CLSTN2: variants seen among roughly 807,000 people sequenced by gnomAD.
CLSTN2 encodes the protein calsyntenin 2.
In CLSTN2, 48 loss-of-function variants were observed where a neutral mutation model predicts 101.2. The observed-to-expected ratio is 0.47, with a 90% CI of 0.38 to 0.60. The LOEUF (loss-of-function observed/expected upper bound fraction) is 0.60, where lower values mean the gene tolerates loss of function less well. Among genes scored for constraint, CLSTN2 ranks in the 20% least tolerant of loss-of-function variants. The pLI, the probability that CLSTN2 is intolerant of heterozygous loss-of-function variation, is 0.00. For synonymous variants in CLSTN2, 481 were observed against 463.6 expected, an observed-to-expected ratio of 1.04 and a Z score of -0.48; for missense variants, 1,160 against 1,238.2, an observed-to-expected ratio of 0.94 and a Z score of 0.95.
At chr3:140,001,084 G>A (rs1007433800) in intron 1 of CLSTN2, among the ~76,000 whole-genome samples, 1 of 152,090 alleles carries the variant, frequency 6.6e-6, no homozygotes, top group East Asian at 1.9e-4. Flanking sequence ...TTGTACATGC[G>A]GAAATTGAAG....
intron 9 of CLSTN2, among the ~76,000 whole-genome samples, chr3:140,538,976 A>G (rs1297865060): frequency 1.3e-5 from 2 of 152,232 alleles, no homozygotes; most frequent in Non-Finnish European, 2.9e-5. Context: ...CAGGTTCCTC[A>G]ATCTTATGCA....
chr3:140,039,570 A>G (rs2007721913), intron 1 of CLSTN2, among the ~76,000 whole-genome samples: 1 of 152,188 alleles, frequency 6.6e-6, no homozygotes, highest in African/African-American at 2.4e-5. Context: ...TTCCATAACC[A>G]TGCATGACAT....
At chr3:140,468,012 G>T (rs1459034979) in intron 8 of CLSTN2, among the ~76,000 whole-genome samples, 2 of 152,230 alleles carry the variant, frequency 1.3e-5, no homozygotes, top group Non-Finnish European at 2.9e-5. Flanking sequence ...TGGAAAAGTT[G>T]CTAGGGGAGC....
intron 2 of CLSTN2, among the ~76,000 whole-genome samples, chr3:140,313,620 C>G (rs1203202517): frequency 2.6e-5 from 4 of 152,146 alleles, no homozygotes; most frequent in African/African-American, 9.7e-5. Flanking sequence ...CATAATGATT[C>G]CAAGAGTGAA....
At chr3:140,047,285 A>G (rs535517313) in intron 1 of CLSTN2, among the ~76,000 whole-genome samples, 14 of 152,274 alleles carry the variant, frequency 9.2e-5, no homozygotes, top group African/African-American at 2.2e-4. Context: ...ATATAGTAAT[A>G]AGAAATCCTA....
chr3:140,053,988 G>A lies in CLSTN2; in HGVS notation c.109+118505G>A, dbSNP rs571635857. Among the ~76,000 whole-genome samples the A allele has an allele frequency of 2.6e-5, 4 of 152,208 alleles. No individual in the cohort carries two copies. The South Asian group carries it at 8.3e-4, about 32-fold the overall frequency. On this transcript the variant is annotated intron_variant, in intron 1 of 16. Transcript: ENST00000458420. Reference sequence around the variant, plus strand: ...GTTAGACTCGGGCCCAATACAAGAGGGTCATCACAGCTGGTCCTCGGGCAG... The same window carrying A: ...GTTAGACTCGGGCCCAATACAAGAGAGTCATCACAGCTGGTCCTCGGGCAG...
chr3:140,337,398 T>A (rs1243772281), intron 2 of CLSTN2, among the ~76,000 whole-genome samples: 2 of 152,212 alleles, frequency 1.3e-5, no homozygotes, highest in East Asian at 3.8e-4. Flanking sequence ...GTCTTCCTTC[T>A]TTACATTCTG....
At position 139,976,858 on chromosome 3, in the gene CLSTN2, G is replaced by A. The variant is rs557583089; in HGVS notation, c.109+41375G>A. Reference sequence around the variant, plus strand: ...TGTGCATGCATGTGCACACATGTGTGTTGGCAAGAGACCTACAACCGTCCC... The same window carrying A: ...TGTGCATGCATGTGCACACATGTGTATTGGCAAGAGACCTACAACCGTCCC... On this transcript the variant is annotated intron_variant, in intron 1 of 16. Transcript: ENST00000458420. Among the ~76,000 whole-genome samples the A allele has an allele frequency of 3.9e-5, 6 of 152,264 alleles. No homozygotes were observed. The South Asian group carries it at 1.2e-3, about 32-fold the overall frequency.
intron 11 of CLSTN2, among the ~76,000 whole-genome samples, chr3:140,557,571 T>C (rs574617003): frequency 1.2e-4 from 18 of 152,066 alleles, no homozygotes; most frequent in African/African-American, 4.1e-4. Context: ...TGCTGTGGGG[T>C]TGGCCTGGCA....
At chr3:140,028,003 A>G (rs538122722) in intron 1 of CLSTN2, among the ~76,000 whole-genome samples, 114 of 152,240 alleles carry the variant, frequency 7.5e-4, no homozygotes, top group African/African-American at 2.5e-3. Flanking sequence ...TCACCCTCCC[A>G]TGCATGCTGT....
At chr3:140,182,741 G>T (rs2010429095) in intron 2 of CLSTN2, among the ~76,000 whole-genome samples, 1 of 152,156 alleles carries the variant, frequency 6.6e-6, no homozygotes, top group Admixed American at 6.5e-5. Context: ...TCACCTACAA[G>T]AGTCTATTGT....
intron 1 of CLSTN2, among the ~76,000 whole-genome samples, chr3:140,028,263 G>C (rs1021678678): frequency 5.9e-5 from 9 of 152,190 alleles, no homozygotes; most frequent in African/African-American, 2.2e-4. Flanking sequence ...TTCCCAGCAA[G>C]TGGCAGGCAT....
At chr3:140,251,562 A>G (rs1025984878) in intron 2 of CLSTN2, among the ~76,000 whole-genome samples, 3 of 120,242 alleles carry the variant, frequency 2.5e-5, no homozygotes, top group African/African-American at 9.8e-5. Context: ...AAGAAAGTCA[A>G]TAACGGCAAC....
intron 2 of CLSTN2, among the ~76,000 whole-genome samples, chr3:140,318,425 C>T (rs116055384): frequency 2.0e-3 from 302 of 152,140 alleles, no homozygotes; most frequent in African/African-American, 7.1e-3. Flanking sequence ...AGACAAAGGG[C>T]GATGTCAGGA....
intron 1 of CLSTN2, among the ~76,000 whole-genome samples, chr3:139,955,112 C>CTATATATACATATATATATATA (rs1440167224): frequency 7.0e-5 from 5 of 71,546 alleles, no homozygotes; most frequent in African/African-American, 2.8e-4. Flanking sequence ...GGCAATATTG[C>CTATATATACATATATATATATA]TATATATATA....
At chr3:140,287,145 A>G (rs1009379197) in intron 2 of CLSTN2, among the ~76,000 whole-genome samples, 1 of 152,192 alleles carries the variant, frequency 6.6e-6, no homozygotes, top group Non-Finnish European at 1.5e-5. Context: ...CTGATTTCTT[A>G]AGGGATGCCT....
At chr3:140,216,343 C>T (rs567390021) in intron 2 of CLSTN2, among the ~76,000 whole-genome samples, 14 of 152,222 alleles carry the variant, frequency 9.2e-5, no homozygotes, top group Non-Finnish European at 1.3e-4. Context: ...GGAAAAGCCA[C>T]CACTAGTTCA....
chr3:139,990,344 G>A (rs561485217), intron 1 of CLSTN2, among the ~76,000 whole-genome samples: 42 of 152,136 alleles, frequency 2.8e-4, no homozygotes, highest in Non-Finnish European at 6.0e-4. Context: ...TGGAATATTA[G>A]GCCCAGTGTT....
intron 1 of CLSTN2, among the ~76,000 whole-genome samples, chr3:140,080,739 G>T (rs893540028): frequency 2.0e-5 from 3 of 152,230 alleles, no homozygotes; most frequent in Non-Finnish European, 2.9e-5. Flanking sequence ...GGAAACCACC[G>T]CCCCAAACAC....
Sources: gnomAD v4.1 joint callset for allele counts (sites outside exome capture counted in the v4.1 genomes callset) on GRCh38, gnomAD v4.1.1 for gene constraint, MANE v1.5 for transcripts, NCBI Gene and HGNC (gene_info 2026-07-23, HGNC 2026-07-21) for gene names.